The following ERBB4 variants were observed in gnomAD, a reference collection of about 807,000 sequenced individuals.
ERBB4 encodes erb-b2 receptor tyrosine kinase 4.
ERBB4 carries 42 observed loss-of-function variants against 158.0 expected under a neutral mutation model. That is an observed-to-expected ratio of 0.27 (90% CI 0.21 to 0.34). The LOEUF (loss-of-function observed/expected upper bound fraction) is 0.34, where lower values mean the gene tolerates loss of function less well. Ranked by LOEUF, ERBB4 falls within the 10% of genes least tolerant of loss-of-function variation. The pLI, the probability that ERBB4 is intolerant of heterozygous loss-of-function variation, is 1.00. For synonymous variants in ERBB4, 583 were observed against 558.7 expected, an observed-to-expected ratio of 1.04 and a Z score of -0.61; for missense variants, 1,333 against 1,624.1, an observed-to-expected ratio of 0.82 and a Z score of 3.08.
chr2:212,050,650 A>G (rs1298290672), intron 2 of ERBB4, among the ~76,000 whole-genome samples: 1 of 152,170 alleles, frequency 6.6e-6, no homozygotes, highest in Non-Finnish European at 1.5e-5. Context: ...TAATCCTGCC[A>G]AGTTTCACTG....
At position 212,191,654 on chromosome 2, in the gene ERBB4, C is replaced by CATGTCATATATCGCGTGT. The variant is rs2082216765; in HGVS notation, c.83-66752_83-66751insACACGCGATATATGACAT. Among the ~76,000 whole-genome samples the CATGTCATATATCGCGTGT allele has an allele frequency of 1.0e-4, 9 of 88,432 alleles. 1 individual carries two copies. The highest frequency in any genetic ancestry group is 1.9e-4 in the Non-Finnish European group (7 of 36,916). 58.0% of individuals were successfully genotyped at this position (88,432 alleles called of 152,430 possible). ...TTATGCATGCTATATATAACACATGCGTTATACATGTCATATATCGCGTGT... is the reference window on the plus strand; with the variant it reads ...TTATGCATGCTATATATAACACATGCATGTCATATATCGCGTGTGTTATACATGTCATATATCGCGTGT... On this transcript the variant is annotated intron_variant, in intron 1 of 27. Coordinates refer to ENST00000342788, the MANE Select transcript of ERBB4 (RefSeq NM_005235.3).
chr2:211,558,756 T>A (rs894746389), intron 20 of ERBB4, among the ~76,000 whole-genome samples: 4 of 151,412 alleles, frequency 2.6e-5, no homozygotes, highest in Non-Finnish European at 5.9e-5. Flanking sequence ...ACAATTCTGC[T>A]CCCGAAGTAG....
At chr2:211,991,261 A>G (rs1186139038) in intron 2 of ERBB4, among the ~76,000 whole-genome samples, 1 of 152,250 alleles carries the variant, frequency 6.6e-6, no homozygotes, top group African/African-American at 2.4e-5. Flanking sequence ...ATTAAAATAT[A>G]TAATATTGCA....
At chr2:212,389,580 T>A (rs890289810) in intron 1 of ERBB4, among the ~76,000 whole-genome samples, 3 of 151,946 alleles carry the variant, frequency 2.0e-5, no homozygotes, top group African/African-American at 7.2e-5. Context: ...CTTTAGCAAA[T>A]ATGGAACACT....
At chr2:211,805,279 T>A (rs1444718345) in intron 3 of ERBB4, among the ~76,000 whole-genome samples, 1 of 140,126 alleles carries the variant, frequency 7.1e-6, no homozygotes, top group Non-Finnish European at 1.6e-5. Context: ...GAAGTTGGTC[T>A]GTGATCCTCA....
intron 1 of ERBB4, among the ~76,000 whole-genome samples, chr2:212,199,614 T>C (rs890623688): frequency 6.6e-6 from 1 of 152,178 alleles, no homozygotes; most frequent in Non-Finnish European, 1.5e-5. Context: ...TAATGCATTA[T>C]AGAGAGCCTG....
At chr2:212,233,963 TTTATTA>T (rs60130196) in intron 1 of ERBB4, among the ~76,000 whole-genome samples, 33,852 of 143,630 alleles carry the variant, frequency 0.24, 4,237 homozygotes, top group Non-Finnish European at 0.26. Context: ...CTTTGCATTA[TTTATTA>T]TTATTATTAT....
intron 7 of ERBB4, among the ~76,000 whole-genome samples, chr2:211,716,330 C>G (rs1169266649): frequency 7.7e-6 from 1 of 129,710 alleles, no homozygotes; most frequent in Non-Finnish European, 1.6e-5. Context: ...CCATTGCACT[C>G]CAGCCTGGGC....
At chr2:211,727,950 C>T (rs1006842789) in intron 5 of ERBB4, among the ~76,000 whole-genome samples, 1 of 151,788 alleles carries the variant, frequency 6.6e-6, no homozygotes, top group Non-Finnish European at 1.5e-5. Context: ...GGTTTGTGAA[C>T]GTATATTTTG....
At position 211,979,382 on chromosome 2, in the gene ERBB4, T is replaced by C. The variant is rs550045728; in HGVS notation, c.235-31766A>G. Among the ~76,000 whole-genome samples, 21 of 152,322 alleles carry C rather than the reference T, an allele frequency of 1.4e-4. No homozygotes were observed. In the East Asian group the frequency reaches 4.1e-3, roughly 29 times the overall value. ...AAGTTTATGTATTTTCATTTGTTTT[T>C]TAACCACATTATCTCTTGAGGTATA... On this transcript the variant is annotated intron_variant, in intron 2 of 27. Transcript: ENST00000342788.
rs530851757 is a variant in ERBB4 at position 211,479,530 on chromosome 2, A to T, written c.2488-48430T>A. ...ATTTTCTAAATTATAGATCCACAGC[A>T]CAAAGCATGGTGTCTTATGTACGAG... On this transcript the variant is annotated intron_variant, in intron 20 of 27. Coordinates refer to ENST00000342788, the MANE Select transcript of ERBB4 (RefSeq NM_005235.3). Among the ~76,000 whole-genome samples the T allele has an allele frequency of 9.2e-5, 14 of 152,332 alleles. 1 individual carries two copies. The East Asian group carries it at 2.1e-3, about 23-fold the overall frequency.
In ERBB4 at chr2:212,293,847, C is replaced by CAAAAAAAA. The variant is rs1201724620; in HGVS notation, c.83-168952_83-168945dup. 2.0e-4 allele frequency among the ~76,000 whole-genome samples: 13 copies of CAAAAAAAA among 63,798 alleles called. 1 individual carries two copies. The highest frequency in any genetic ancestry group is 4.5e-4 in the African/African-American group (5 of 11,124). 41.9% of individuals were successfully genotyped at this position (63,798 alleles called of 152,430 possible). A position where few individuals can be genotyped will look rare whatever the true frequency, so the allele number is the denominator to read the frequency against. On this transcript the variant is annotated intron_variant, in intron 1 of 27. Transcript: ENST00000342788. ...TGGGTGACAGAGGAAGACTCTGTCT[C>CAAAAAAAA]AAAAAAAAAAACAAAAAAAAAAAAA...
At chr2:211,408,727 G>A (rs536756521) in intron 25 of ERBB4, among the ~76,000 whole-genome samples, 1 of 152,234 alleles carries the variant, frequency 6.6e-6, no homozygotes. Flanking sequence ...CCTGACACTC[G>A]TCTGGTATTT....
At chr2:211,792,203 G>A (rs756519335) in intron 3 of ERBB4, among the ~76,000 whole-genome samples, 18 of 151,670 alleles carry the variant, frequency 1.2e-4, no homozygotes, top group Middle Eastern at 3.4e-3. Flanking sequence ...GAAAGTTATC[G>A]TTTCCCATAA....
At chr2:212,128,798 C>T (rs2080020803) in intron 1 of ERBB4, among the ~76,000 whole-genome samples, 1 of 151,992 alleles carries the variant, frequency 6.6e-6, no homozygotes, top group Non-Finnish European at 1.5e-5. Context: ...ATTATTAAAA[C>T]AAACACCCAG....
chr2:212,048,415 G>T (rs189150839), intron 2 of ERBB4, among the ~76,000 whole-genome samples: 21 of 152,266 alleles, frequency 1.4e-4, no homozygotes, highest in Admixed American at 9.2e-4. Flanking sequence ...TTAGAGCAGG[G>T]TGCTGGTAGT....
chr2:212,220,479 T>C (rs2105951665), intron 1 of ERBB4, among the ~76,000 whole-genome samples: 1 of 151,546 alleles, frequency 6.6e-6, no homozygotes, highest in East Asian at 1.9e-4. Flanking sequence ...TAAGAGTTAA[T>C]TCTGATGATT....
chr2:212,210,638 G>A (rs1380353027), intron 1 of ERBB4, among the ~76,000 whole-genome samples: 1 of 152,086 alleles, frequency 6.6e-6, no homozygotes, highest in Non-Finnish European at 1.5e-5. Context: ...ACTGATTAGT[G>A]AAATTTTGGT....
chr2:212,458,019 T>C (rs1466612252), intron 1 of ERBB4, among the ~76,000 whole-genome samples: 1 of 152,082 alleles, frequency 6.6e-6, no homozygotes, highest in African/African-American at 2.4e-5. Flanking sequence ...TTCTATTGTA[T>C]GTTCTAATTT....
Sources: gnomAD v4.1 joint callset for allele counts (sites outside exome capture counted in the v4.1 genomes callset) on GRCh38, gnomAD v4.1.1 for gene constraint, MANE v1.5 for transcripts, NCBI Gene and HGNC (gene_info 2026-07-23, HGNC 2026-07-21) for gene names.